NME7: variants seen among roughly 807,000 people sequenced by gnomAD.
NME7 encodes the protein nucleoside diphosphate kinase 7.
In NME7, 41 loss-of-function variants were observed where a neutral mutation model predicts 49.1. The ratio of observed to expected loss-of-function variants is 0.83; its 90% CI spans 0.65 to 1.08. The LOEUF is 1.08. Ranked by LOEUF, NME7 falls within the 50% of genes least tolerant of loss-of-function variation. NME7 has a pLI of 0.00. For synonymous variants in NME7, 139 were observed against 150.6 expected (o/e 0.92, Z 0.56); for missense variants, 423 against 463.4 (o/e 0.91, Z 0.80).
intron 10 of NME7, among the ~76,000 whole-genome samples, chr1:169,213,257 C>T (rs1660883163): frequency 6.6e-6 from 1 of 152,084 alleles, no homozygotes; most frequent in Non-Finnish European, 1.5e-5. Context: ...CTCACAGGAA[C>T]CTAACTCTGT....
intron 5 of NME7, among the ~76,000 whole-genome samples, chr1:169,301,212 G>A (rs543347858): frequency 4.1e-4 from 63 of 152,016 alleles, no homozygotes; most frequent in African/African-American, 1.5e-3. Context: ...AATCTGTAAC[G>A]ACCTTAAATA....
chr1:169,254,812 T>G (rs1648838081), intron 7 of NME7, among the ~76,000 whole-genome samples: 1 of 134,550 alleles, frequency 7.4e-6, no homozygotes, highest in Admixed American at 7.3e-5. Flanking sequence ...TGCCTTCATT[T>G]CGCTATGTAC....
At chr1:169,144,988 A>G (rs191523034) in intron 11 of NME7, among the ~76,000 whole-genome samples, 1 of 152,196 alleles carries the variant, frequency 6.6e-6, no homozygotes, top group Non-Finnish European at 1.5e-5. Context: ...AAAACGTACC[A>G]TTATGATGAC....
At chr1:169,150,659 T>TGCCTCTCAAACTGAA (rs1658886859) in intron 11 of NME7, among the ~76,000 whole-genome samples, 1 of 151,946 alleles carries the variant, frequency 6.6e-6, no homozygotes, top group Non-Finnish European at 1.5e-5. Context: ...AGCTAACTTT[T>TGCCTCTCAAACTGAA]GCCTCTCAAA....
intron 7 of NME7, among the ~76,000 whole-genome samples, chr1:169,256,748 G>A (rs1239598944): frequency 7.9e-6 from 1 of 126,060 alleles, no homozygotes. Flanking sequence ...TTTTGGTGTG[G>A]ATGTCCTTTC....
intron 10 of NME7, among the ~76,000 whole-genome samples, chr1:169,188,237 C>A (rs532365582): frequency 6.6e-6 from 1 of 152,180 alleles, no homozygotes; most frequent in African/African-American, 2.4e-5. Flanking sequence ...GCTTCAAAGA[C>A]AAATGTCTAT....
intron 10 of NME7, among the ~76,000 whole-genome samples, chr1:169,202,554 G>A (rs1168356708): frequency 1.3e-5 from 2 of 152,172 alleles, no homozygotes; most frequent in Non-Finnish European, 2.9e-5. Flanking sequence ...TGAGGTTTAA[G>A]AGATGATGAC....
intron 7 of NME7, chr1:169,283,884 T>C (rs1398825791): frequency 6.6e-6 from 1 of 152,242 alleles, no homozygotes; most frequent in Non-Finnish European, 1.5e-5. Flanking sequence ...TTAACATTTT[T>C]TTGTTCATTT....
At chr1:169,149,640 G>C (rs1195268378) in intron 11 of NME7, among the ~76,000 whole-genome samples, 2 of 152,164 alleles carry the variant, frequency 1.3e-5, no homozygotes, top group Non-Finnish European at 2.9e-5. Context: ...ACAATATGCT[G>C]TAATTACAGT....
intron 10 of NME7, among the ~76,000 whole-genome samples, chr1:169,189,221 A>C (rs570383452): frequency 6.6e-6 from 1 of 152,336 alleles, no homozygotes; most frequent in South Asian, 2.1e-4. Flanking sequence ...ACTTTTACAA[A>C]AATGTAGAGT....
chr1:169,160,516 A>G (rs774351344), intron 11 of NME7, among the ~76,000 whole-genome samples: 7 of 152,128 alleles, frequency 4.6e-5, no homozygotes, highest in Non-Finnish European at 1.0e-4. Flanking sequence ...TATATAGTAT[A>G]TATTATATAA....
intron 2 of NME7, 47 bp downstream of exon 2, chr1:169,324,346 A>C: frequency 8.2e-7 from 1 of 1,216,280 alleles, no homozygotes. Flanking sequence ...AATGGTTCCC[A>C]TGTTCACCCC....
chr1:169,144,028 T>C (rs1042800865), intron 11 of NME7, among the ~76,000 whole-genome samples: 9 of 152,178 alleles, frequency 5.9e-5, no homozygotes, highest in Non-Finnish European at 1.3e-4. Context: ...ACTCCTAAAT[T>C]TGGCATAAAA....
rs557564211 is a variant in NME7, at chr1:169,172,978, A to T, written c.991-3424T>A. ...CTTATATTCTGTATCTTACTAATGA[A>T]CACACAGTAAATGTTTGGTAAATAT... On this transcript the variant is annotated intron_variant, in intron 10 of 11. Transcript: ENST00000367811. Among the ~76,000 whole-genome samples the T allele has an allele frequency of 6.8e-4, 104 of 152,356 alleles. 1 individual carries two copies. The highest frequency in any genetic ancestry group is 2.3e-3 in the African/African-American group (96 of 41,590).
chr1:169,307,881 G>A lies in NME7; in HGVS notation c.389+2089C>T, dbSNP rs540976000. The stretch of plus-strand genomic sequence containing the variant: ...CTAAAAATACAAAAATTACCCGGGC[G>A]TGGTGGTGTGCTCCTGTAGTTCCAG... On this transcript the variant is annotated intron_variant, in intron 4 of 11. Coordinates refer to ENST00000367811, the MANE Select transcript of NME7 (RefSeq NM_013330.5). 9.9e-5 allele frequency among the ~76,000 whole-genome samples: 15 copies of A among 152,172 alleles called. No homozygotes were observed. The South Asian group carries it at 2.5e-3, about 25-fold the overall frequency.
At chr1:169,158,354 G>A (rs1203326213) in intron 11 of NME7, among the ~76,000 whole-genome samples, 1 of 152,040 alleles carries the variant, frequency 6.6e-6, no homozygotes, top group Non-Finnish European at 1.5e-5. Context: ...TACTCAGAAC[G>A]GCATACAATT....
At position 169,320,805 on chromosome 1, in the gene NME7, A is replaced by G. The variant is rs141115913; in HGVS notation, c.278+2312T>C. 4.3e-3 allele frequency among the ~76,000 whole-genome samples: 659 copies of G among 152,306 alleles called. 6 individuals carry two copies. The highest frequency in any genetic ancestry group is 0.015 in the African/African-American group (619 of 41,556). ...AACTATATAAAGCCCAAATACTTCA[A>G]ATTTGTTTTTACATTAAAATAGAAT... On this transcript the variant is annotated intron_variant, in intron 3 of 11. Coordinates refer to ENST00000367811, the MANE Select transcript of NME7 (RefSeq NM_013330.5).
At chr1:169,274,973 A>C (rs138765438) in intron 7 of NME7, among the ~76,000 whole-genome samples, 11,253 of 131,558 alleles carry the variant, frequency 0.086, 2,908 homozygotes, top group East Asian at 0.75. Context: ...TCCATATGAA[A>C]TTTAAAGTAG....
chr1:169,282,548 C>G (rs1650066423), intron 7 of NME7, among the ~76,000 whole-genome samples: 1 of 152,042 alleles, frequency 6.6e-6, no homozygotes, highest in Non-Finnish European at 1.5e-5. Context: ...GTTAGGGTAT[C>G]AATTTTAGAT....
Sources: gnomAD v4.1 joint callset for allele counts (sites outside exome capture counted in the v4.1 genomes callset) on GRCh38, gnomAD v4.1.1 for gene constraint, MANE v1.5 for transcripts, NCBI Gene and HGNC (gene_info 2026-07-23, HGNC 2026-07-21) for gene names.